The following PADI3 variants were observed in gnomAD, a reference collection of about 807,000 sequenced individuals.
The protein encoded by PADI3 is protein-arginine deiminase type-3.
In PADI3, 53 loss-of-function variants were observed where a neutral mutation model predicts 71.5. The ratio of observed to expected loss-of-function variants is 0.74; its 90% CI spans 0.59 to 0.93. PADI3 has a LOEUF of 0.93. PADI3 is among the 40% of genes least tolerant of loss of function. The probability of loss-of-function intolerance (pLI) is 0.00; values close to 1 mark genes in which losing one functional copy is unlikely to be tolerated. For synonymous variants in PADI3, 361 were observed against 347.5 expected (o/e 1.04, Z -0.43); for missense variants, 821 against 868.0 (o/e 0.95, Z 0.68).
At chr1:17,272,187 G>T (rs144876966) in intron 9 of PADI3, among the ~76,000 whole-genome samples, 165 of 152,334 alleles carry the variant, frequency 1.1e-3, no homozygotes, top group East Asian at 5.4e-3. Context: ...CAAGCACCAG[G>T]CTGTACAGGT....
chr1:17,275,298 G>C (rs371209438), intron 11 of PADI3, among the ~76,000 whole-genome samples: 2 of 151,324 alleles, frequency 1.3e-5, no homozygotes, highest in Middle Eastern at 3.4e-3. Flanking sequence ...TTAGCCAGGC[G>C]TGGTGGCAGG....
chr1:17,276,772 A>G lies in PADI3; in HGVS notation c.1453-2A>G, dbSNP rs774984302. 24 of 1,613,570 alleles carry G rather than the reference A, an allele frequency of 1.5e-5. No homozygotes were observed. The highest frequency in any genetic ancestry group is 6.8e-6 in the Non-Finnish European group (8 of 1,179,822). ...TCAGCTGAATCTGTTCTCTGCACGC[A>G]GGGCTTCCGGATGCTCCTGGCCAGC... On this transcript the variant is annotated splice_acceptor_variant, in intron 12 of 15. Transcript: ENST00000375460. LOFTEE classifies it high-confidence loss of function.
intron 15 of PADI3, among the ~76,000 whole-genome samples, chr1:17,282,181 G>A (rs1271771769): frequency 5.3e-5 from 8 of 152,256 alleles, no homozygotes; most frequent in Non-Finnish European, 1.0e-4. Context: ...AGGTTCTTGT[G>A]TTCGCAAGAG....
chr1:17,281,613 C>T (rs534950407), intron 15 of PADI3, among the ~76,000 whole-genome samples: 6 of 152,128 alleles, frequency 3.9e-5, no homozygotes, highest in South Asian at 2.1e-4. Flanking sequence ...CCACCACGCC[C>T]GGCTAATTTC....
In PADI3 at chr1:17,283,261, T is replaced by C. The variant is rs189436271; in HGVS notation, c.*182T>C. On this transcript the variant is annotated 3_prime_UTR_variant, in exon 16 of 16. Coordinates refer to ENST00000375460, the MANE Select transcript of PADI3 (RefSeq NM_016233.2). ...GTGTCCATGCCTCACCTGCAACCCA[T>C]GTGGTTCTCAGACTTGAATCTTCTC... is the stretch of plus-strand genomic sequence containing the variant. The C allele has an allele frequency of 3.4e-3, 1,997 of 581,210 alleles. 9 individuals carry two copies. The highest frequency in any genetic ancestry group is 5.0e-3 in the Non-Finnish European group (1,619 of 325,020). The allele number at this position is 581,210 out of a possible 1,614,324, so 36.0% of individuals were successfully genotyped here.
chr1:17,256,090 G>A (rs2073023678), intron 1 of PADI3, among the ~76,000 whole-genome samples: 1 of 152,116 alleles, frequency 6.6e-6, no homozygotes, highest in South Asian at 2.1e-4. Flanking sequence ...CCTCACTTGT[G>A]TCTCCTCTTG....
At chr1:17,261,559 T>C (rs1304976045) in intron 2 of PADI3, among the ~76,000 whole-genome samples, 1 of 152,240 alleles carries the variant, frequency 6.6e-6, no homozygotes, top group Non-Finnish European at 1.5e-5. Flanking sequence ...TGCCCACTGA[T>C]AACAGTAGCT....
At position 17,274,677 on chromosome 1, in the gene PADI3, T is replaced by G. The variant is rs1276161777; in HGVS notation, c.1198T>G (p.Ser400Ala). ...GYVTREPRDR[S>A]VSGLDSFGNL... ...CGTGACTCGGGAACCACGCGACAGGTCTGTGAGTGGCCTGGACTCCTTTGG... is the reference window on the plus strand; with the variant it reads ...CGTGACTCGGGAACCACGCGACAGGGCTGTGAGTGGCCTGGACTCCTTTGG... The change falls in exon 11 of 16, where the codon TCT becomes GCT. Residue 400 changes from serine (S) to alanine (A), a missense_variant. Transcript: ENST00000375460. 6.2e-7 allele frequency: 1 copy of G among 1,613,722 alleles called. No individual in the cohort carries two copies.
intron 6 of PADI3, among the ~76,000 whole-genome samples, chr1:17,268,656 T>C (rs985693450): frequency 2.0e-5 from 3 of 151,860 alleles, no homozygotes; most frequent in Non-Finnish European, 2.9e-5. Context: ...TGCAGGCATG[T>C]GCCACCACAC....
chr1:17,271,845 A>T (rs1397524892), intron 9 of PADI3, among the ~76,000 whole-genome samples: 2 of 146,212 alleles, frequency 1.4e-5, no homozygotes, highest in African/African-American at 2.5e-5. Context: ...ACAAAAAAAA[A>T]AAAAAAAAAA....
Position 17,249,129 on chromosome 1 carries a change from A to G in PADI3, c.-9A>G, listed in dbSNP as rs766380475. 1.4e-5 allele frequency: 22 copies of G among 1,613,804 alleles called. No homozygotes were observed. In the South Asian group the frequency reaches 2.1e-4, roughly 15 times the overall value. On this transcript the variant is annotated 5_prime_UTR_variant, in exon 1 of 16. Coordinates refer to ENST00000375460, the MANE Select transcript of PADI3 (RefSeq NM_016233.2). Reference sequence around the variant, plus strand: ...GGGGTTGGCGGCCACAGCTAAGTCCAACACCAGCATGTCGCTGCAGAGAAT... The same window carrying G: ...GGGGTTGGCGGCCACAGCTAAGTCCGACACCAGCATGTCGCTGCAGAGAAT...
intron 9 of PADI3, among the ~76,000 whole-genome samples, chr1:17,272,025 T>C (rs2073261396): frequency 6.6e-6 from 1 of 152,152 alleles, no homozygotes; most frequent in African/African-American, 2.4e-5. Context: ...GGCACATGAC[T>C]TCTGCCATTT....
intron 9 of PADI3, among the ~76,000 whole-genome samples, chr1:17,272,028 T>C (rs2073261439): frequency 6.6e-6 from 1 of 152,164 alleles, no homozygotes; most frequent in African/African-American, 2.4e-5. Context: ...ACATGACTTC[T>C]GCCATTTATG....
At chr1:17,266,200 T>C (rs2073166240) in intron 4 of PADI3, among the ~76,000 whole-genome samples, 1 of 152,222 alleles carries the variant, frequency 6.6e-6, no homozygotes, top group South Asian at 2.1e-4. Flanking sequence ...GATCCTGACC[T>C]AGGCGAGAAG....
chr1:17,254,646 G>T (rs1447596905), intron 1 of PADI3, among the ~76,000 whole-genome samples: 1 of 152,114 alleles, frequency 6.6e-6, no homozygotes, highest in Non-Finnish European at 1.5e-5. Context: ...ACCATTGAAG[G>T]GGGTGATACA....
chr1:17,265,385 G>A (rs575300566), intron 3 of PADI3, among the ~76,000 whole-genome samples: 1 of 150,358 alleles, frequency 6.7e-6, no homozygotes, highest in South Asian at 2.1e-4. Flanking sequence ...TTCAGGGCAT[G>A]CCTGGGACTG....
chr1:17,264,811 G>A (rs559430008), intron 3 of PADI3, among the ~76,000 whole-genome samples: 75 of 152,210 alleles, frequency 4.9e-4, no homozygotes, highest in African/African-American at 1.8e-3. Context: ...AGTAGTTCAA[G>A]ACCAGCCTAG....
chr1:17,267,835 A>G lies in PADI3; in HGVS notation c.527-2A>G. 6.2e-7 allele frequency: 1 copy of G among 1,613,536 alleles called. No homozygotes were observed. Among genetic ancestry groups the G allele is most frequent in the Non-Finnish European group, 8.5e-7 (1 of 1,180,020 alleles). On this transcript the variant is annotated splice_acceptor_variant, in intron 5 of 15. Transcript: ENST00000375460. LOFTEE classifies it high-confidence loss of function. Reference sequence around the variant, plus strand: ...TCACTACCACTCTGTCTGGCTTCACAGACCTGGAAGACATGTCTGTCATGG... The same window carrying G: ...TCACTACCACTCTGTCTGGCTTCACGGACCTGGAAGACATGTCTGTCATGG...
rs2073334802 is a variant in PADI3 at position 17,276,615 on chromosome 1, G to C, written c.1404G>C (p.Val468=). Residue 468 remains valine, a synonymous_variant, in exon 12 of 16, where the codon GTG becomes GTC. Transcript: ENST00000375460. ...AGCTCTTTGTGGACTGGTTGGCCGT[G>C]GGCCATGTGGATGAGTTTCTGAGCT... ...PVELFVDWLA[V]GHVDEFLSFV... 6.2e-7 allele frequency: 1 copy of C among 1,614,172 alleles called. No homozygotes were observed. The highest frequency in any genetic ancestry group is 1.1e-5 in the South Asian group (1 of 91,084).
Sources: gnomAD v4.1 joint callset for allele counts (sites outside exome capture counted in the v4.1 genomes callset) on GRCh38, gnomAD v4.1.1 for gene constraint, MANE v1.5 for transcripts, NCBI Gene and HGNC (gene_info 2026-07-23, HGNC 2026-07-21) for gene names.